The following ECPAS variants were observed in gnomAD, a reference collection of about 807,000 sequenced individuals.
ECPAS encodes proteasome adapter and scaffold protein ECM29.
Under a neutral mutation model 255.1 loss-of-function variants are expected in ECPAS, and 70 were observed. The ratio of observed to expected loss-of-function variants is 0.27; its 90% CI spans 0.23 to 0.33. ECPAS has a LOEUF of 0.33. ECPAS is among the 10% of genes least tolerant of loss of function. The pLI is 1.00. For missense variants in ECPAS, 1,817 were observed against 2,206.4 expected (o/e 0.82, Z 3.54); for synonymous variants, 784 against 775.0 (o/e 1.01, Z -0.19).
intron 1 of ECPAS, among the ~76,000 whole-genome samples, chr9:111,477,838 A>G (rs1267391682): frequency 2.0e-5 from 3 of 152,144 alleles, no homozygotes; most frequent in Non-Finnish European, 4.4e-5. Flanking sequence ...GGTTTGTGAA[A>G]GGATAACAAA....
intron 24 of ECPAS, among the ~76,000 whole-genome samples, chr9:111,407,402 A>AG (rs1364325300): frequency 1.2e-4 from 13 of 106,618 alleles, no homozygotes; most frequent in East Asian, 3.6e-4. Flanking sequence ...ACTCCATCTC[A>AG]GAAAAAAAAA....
intron 40 of ECPAS, 32 bp from the exon 41 acceptor site, chr9:111,373,268 A>T: frequency 6.2e-7 from 1 of 1,613,002 alleles, no homozygotes; most frequent in Non-Finnish European, 8.5e-7. Flanking sequence ...GTATTTCTTT[A>T]TAACTGTCAA....
chr9:111,413,089 T>C (rs1256194297), intron 20 of ECPAS, among the ~76,000 whole-genome samples: 1 of 152,242 alleles, frequency 6.6e-6, no homozygotes, highest in Admixed American at 6.5e-5. Flanking sequence ...CTGTTAGAAG[T>C]GTACATTGGT....
chr9:111,477,271 G>C (rs1382027632), intron 1 of ECPAS, among the ~76,000 whole-genome samples: 1 of 150,600 alleles, frequency 6.6e-6, no homozygotes, highest in Non-Finnish European at 1.5e-5. Context: ...CCAACACCCG[G>C]CTAATTTTTT....
rs185002992 is a variant in ECPAS at position 111,463,696 on chromosome 9, A to G, written c.22+9201T>C. On this transcript the variant is annotated intron_variant, in intron 2 of 49. Coordinates refer to ENST00000684092, the MANE Select transcript of ECPAS (RefSeq NM_001364929.1). ...ACAGAAAGAGAACTGGGAATACATG[A>G]AAACTTGAGATTGACAAAAATGCCA... is the stretch of plus-strand genomic sequence containing the variant. 4.6e-5 allele frequency among the ~76,000 whole-genome samples: 7 copies of G among 152,350 alleles called. No individual in the cohort carries two copies. The East Asian group carries it at 1.4e-3, about 29-fold the overall frequency.
chr9:111,453,081 CA>C (rs940011973), intron 2 of ECPAS, among the ~76,000 whole-genome samples: 1 of 151,334 alleles, frequency 6.6e-6, no homozygotes, highest in African/African-American at 2.4e-5. Context: ...CCCATCTCTA[CA>C]AAAAAAAGGA....
At chr9:111,401,866 A>G (rs2098176574) in intron 24 of ECPAS, among the ~76,000 whole-genome samples, 1 of 152,236 alleles carries the variant, frequency 6.6e-6, no homozygotes, top group African/African-American at 2.4e-5. Flanking sequence ...CCTTACGGTT[A>G]TCTTTCCTTG....
At chr9:111,475,986 G>A (rs1203712218) in intron 1 of ECPAS, among the ~76,000 whole-genome samples, 1 of 152,140 alleles carries the variant, frequency 6.6e-6, no homozygotes, top group African/African-American at 2.4e-5. Flanking sequence ...TCAACACACA[G>A]CTTCCCAAAT....
In ECPAS at chr9:111,436,946, C is replaced by T. The variant is rs376317220; in HGVS notation, c.702G>A (p.Leu234=). 25 of 1,600,782 alleles carry T rather than the reference C, an allele frequency of 1.6e-5. No individual in the cohort carries two copies. The highest frequency in any genetic ancestry group is 1.1e-4 in the East Asian group (5 of 44,266). The change falls in exon 7 of 50, where the codon TTG becomes TTA. Residue 234 remains leucine (L), a synonymous_variant. Coordinates refer to ENST00000684092, the MANE Select transcript of ECPAS (RefSeq NM_001364929.1). ...AGCAAGCCTTGTGTGATACCTGTTC[C>T]AATTGTTCAGGTGTCCATGGGTTAT... ...IGDNPWTPEQ[L]EQCKLGIVKF...
intron 20 of ECPAS, 89 bp from the exon 21 acceptor site, chr9:111,412,237 A>C: frequency 8.8e-7 from 1 of 1,130,746 alleles, no homozygotes; most frequent in Non-Finnish European, 1.2e-6. Flanking sequence ...AGAACGTTCA[A>C]TCTGTTGATG....
chr9:111,382,117 T>C (rs896692055), intron 35 of ECPAS, among the ~76,000 whole-genome samples: 3 of 152,104 alleles, frequency 2.0e-5, no homozygotes, highest in Admixed American at 6.6e-5. Context: ...GTTGTCTTTT[T>C]GTGCTATAAG....
chr9:111,419,709 C>A (rs1024598748), intron 16 of ECPAS, among the ~76,000 whole-genome samples: 1 of 150,998 alleles, frequency 6.6e-6, no homozygotes, highest in Non-Finnish European at 1.5e-5. Context: ...ATTACACACG[C>A]AATCATATAA....
chr9:111,448,924 G>C (rs996800597), intron 3 of ECPAS, among the ~76,000 whole-genome samples: 7 of 151,578 alleles, frequency 4.6e-5, no homozygotes, highest in African/African-American at 1.7e-4. Flanking sequence ...GTCATTTTTG[G>C]TTCTTTTTTT....
In ECPAS at chr9:111,425,490, T is replaced by C; in HGVS notation, c.1143A>G (p.Pro381=). ...GACCTAATGGCTTAATCTTGATTTC[T>C]GGACAGCTTTAAATAAAACACACAT... ...QFVHHICITC[P]EIKIKPLGPM... is the part of the protein sequence containing the mutation. The change falls in exon 12 of 50, where the codon CCA becomes CCG. Residue 381 remains proline, a synonymous_variant. Coordinates refer to ENST00000684092, the MANE Select transcript of ECPAS (RefSeq NM_001364929.1). 1 of 1,592,620 alleles carries C rather than the reference T, an allele frequency of 6.3e-7. No individual in the cohort carries two copies. Among genetic ancestry groups the C allele is most frequent in the African/African-American group, 1.3e-5 (1 of 74,432 alleles).
intron 24 of ECPAS, among the ~76,000 whole-genome samples, chr9:111,401,618 C>G (rs2098176174): frequency 2.0e-5 from 3 of 152,228 alleles, no homozygotes; most frequent in Non-Finnish European, 4.4e-5. Flanking sequence ...CCTGAGGGCA[C>G]TGCAGGAGAC....
chr9:111,450,625 T>C (rs773626614), intron 3 of ECPAS, among the ~76,000 whole-genome samples: 13 of 152,140 alleles, frequency 8.5e-5, no homozygotes, highest in Non-Finnish European at 1.6e-4. Context: ...TAGAACAGTT[T>C]CGTTAAAAAA....
chr9:111,430,390 C>T (rs2098228064), intron 9 of ECPAS, among the ~76,000 whole-genome samples, 157 bp downstream of exon 9: 1 of 152,134 alleles, frequency 6.6e-6, no homozygotes, highest in Admixed American at 6.6e-5. Context: ...ACTAAATTAC[C>T]AGGTTTTAAT....
rs892191779 is a variant in ECPAS, at chr9:111,404,086, CA to C, written c.2652+4484del. Among the ~76,000 whole-genome samples, 40 of 148,824 alleles carry C rather than the reference CA, an allele frequency of 2.7e-4. 1 individual carries two copies. The highest frequency in any genetic ancestry group is 9.7e-4 in the African/African-American group (38 of 39,002). On this transcript the variant is annotated intron_variant, in intron 24 of 49. Coordinates refer to ENST00000684092, the MANE Select transcript of ECPAS (RefSeq NM_001364929.1). ...AAAAGAAAATAAAAACACAACATACCAAAATCTATGGGATACAGCAAAAGCA... is the reference window on the plus strand; with the variant it reads ...AAAAGAAAATAAAAACACAACATACCAAATCTATGGGATACAGCAAAAGCA...
At chr9:111,458,559 T>A (rs1217286200) in intron 2 of ECPAS, among the ~76,000 whole-genome samples, 1 of 149,618 alleles carries the variant, frequency 6.7e-6, no homozygotes, top group African/African-American at 2.5e-5. Flanking sequence ...TGGGGGTTGA[T>A]CACACTAGAA....
Sources: allele counts gnomAD v4.1 joint callset (sites outside exome capture counted in the v4.1 genomes callset), GRCh38; gene constraint gnomAD v4.1.1; transcripts MANE v1.5; gene names NCBI Gene and HGNC (gene_info 2026-07-23, HGNC 2026-07-21).